Variants in ITGA8 observed in about 807,000 individuals in gnomAD.
ITGA8 encodes the protein integrin subunit alpha 8.
In ITGA8, 91 loss-of-function variants were observed where a neutral mutation model predicts 142.3. That is an observed-to-expected ratio of 0.64 (90% CI 0.54 to 0.76). The LOEUF is 0.76. Among genes scored for constraint, ITGA8 ranks in the 30% least tolerant of loss-of-function variants. The pLI is 0.00. For missense variants in ITGA8, 1,406 were observed against 1,327.7 expected (o/e 1.06, Z -0.92); for synonymous variants, 505 against 485.2 (o/e 1.04, Z -0.54).
At chr10:15,619,125 G>A (rs1262762624) in intron 13 of ITGA8, among the ~76,000 whole-genome samples, 3 of 152,128 alleles carry the variant, frequency 2.0e-5, no homozygotes, top group Non-Finnish European at 2.9e-5. Flanking sequence ...TGCCCGTAGT[G>A]GCAACTGGCT....
intron 2 of ITGA8, among the ~76,000 whole-genome samples, chr10:15,718,046 T>G (rs1202045522): frequency 6.6e-6 from 1 of 152,274 alleles, no homozygotes; most frequent in Admixed American, 6.5e-5. Context: ...AAAGTTTTGG[T>G]GGTAAAAATT....
chr10:15,520,501 A>G (rs1277924131), intron 28 of ITGA8, among the ~76,000 whole-genome samples: 1 of 152,186 alleles, frequency 6.6e-6, no homozygotes, highest in Non-Finnish European at 1.5e-5. Flanking sequence ...AAGGGGGCTT[A>G]GAGGAAAATG....
At position 15,519,419 on chromosome 10, in the gene ITGA8, T is replaced by C. The variant is rs772100644; in HGVS notation, c.2983-7A>G. 3.7e-6 allele frequency: 6 copies of C among 1,613,182 alleles called. No homozygotes were observed. The highest frequency in any genetic ancestry group is 3.3e-5 in the Admixed American group (2 of 59,910). ...AAATAACTGATGTCTTAATCTGAAA[T>C]GGAAAACAAAGCAAATGAGCTCTAA... On this transcript the variant is annotated splice_polypyrimidine_tract_variant and splice_region_variant and intron_variant, in intron 28 of 29. Transcript: ENST00000378076.
chr10:15,546,675 AGAAAGGAAG>A (rs200186820), intron 27 of ITGA8, among the ~76,000 whole-genome samples: 8,227 of 151,784 alleles, frequency 0.054, 728 homozygotes, highest in African/African-American at 0.19. Context: ...CTGCCTTAGG[AGAAAGGAAG>A]GAAAGGAAGG....
intron 26 of ITGA8, among the ~76,000 whole-genome samples, chr10:15,556,002 C>T (rs1833880671): frequency 7.2e-6 from 1 of 138,354 alleles, no homozygotes; most frequent in Non-Finnish European, 1.5e-5. Context: ...GGTCTTCTGC[C>T]AGGGTCTCTC....
Position 15,589,392 on chromosome 10 carries a change from G to A in ITGA8, c.2292-2728C>T, listed in dbSNP as rs1168962900. ...TGGCAATTGCAATCTGAGACCCGTT[G>A]TACACAGGGAGGAAAATGTTTATGT... On this transcript the variant is annotated intron_variant, in intron 22 of 29. Transcript: ENST00000378076. Among the ~76,000 whole-genome samples the A allele has an allele frequency of 3.9e-5, 6 of 152,154 alleles. No homozygotes were observed. The East Asian group carries it at 1.2e-3, about 29-fold the overall frequency.
intron 23 of ITGA8, among the ~76,000 whole-genome samples, chr10:15,576,022 T>C (rs912691049): frequency 9.2e-5 from 14 of 152,004 alleles, no homozygotes; most frequent in African/African-American, 2.9e-4. Flanking sequence ...TATCAAGAAA[T>C]GGGATTCTTT....
intron 28 of ITGA8, among the ~76,000 whole-genome samples, chr10:15,519,777 A>C (rs1588621174): frequency 6.6e-6 from 1 of 152,172 alleles, no homozygotes; most frequent in Non-Finnish European, 1.5e-5. Flanking sequence ...AAACTGAATG[A>C]ATCTGTCTAC....
intron 2 of ITGA8, among the ~76,000 whole-genome samples, chr10:15,716,260 T>C (rs1035538690): frequency 1.2e-4 from 19 of 152,356 alleles, no homozygotes; most frequent in African/African-American, 4.3e-4. Context: ...ATTATTATGA[T>C]TGTAGTTGAT....
intron 27 of ITGA8, among the ~76,000 whole-genome samples, chr10:15,537,530 T>A (rs781218682): frequency 4.6e-5 from 7 of 152,116 alleles, no homozygotes; most frequent in African/African-American, 7.3e-5. Context: ...TACTATTGAC[T>A]TTTTGCAGAC....
At chr10:15,536,354 G>A (rs947714508) in intron 27 of ITGA8, among the ~76,000 whole-genome samples, 1 of 152,156 alleles carries the variant, frequency 6.6e-6, no homozygotes, top group African/African-American at 2.4e-5. Context: ...AATGGAAAAC[G>A]TGGTTTATTA....
chr10:15,693,931 G>C (rs114781487), intron 2 of ITGA8, among the ~76,000 whole-genome samples: 1 of 151,784 alleles, frequency 6.6e-6, no homozygotes, highest in South Asian at 2.1e-4. Flanking sequence ...GACAGCGTAA[G>C]TCTGTGTTTT....
At chr10:15,521,776 G>A (rs1256557777) in intron 28 of ITGA8, among the ~76,000 whole-genome samples, 2 of 152,232 alleles carry the variant, frequency 1.3e-5, no homozygotes, top group African/African-American at 4.8e-5. Context: ...ATACGTCGAA[G>A]AAATCAATTT....
In ITGA8 at chr10:15,556,018, C is replaced by CTTTTTTT. The variant is rs869241754; in HGVS notation, c.2766+2049_2766+2055dup. On this transcript the variant is annotated intron_variant, in intron 26 of 29. Coordinates refer to ENST00000378076, the MANE Select transcript of ITGA8 (RefSeq NM_003638.3). Reference sequence around the variant, plus strand: ...GTCTTCTGCCAGGGTCTCTCTCTCTCTTTTTTTTTTTTTTTTTTTTTTTTT... The same window carrying CTTTTTTT: ...GTCTTCTGCCAGGGTCTCTCTCTCTCTTTTTTTTTTTTTTTTTTTTTTTTTTTTTTTT... 1.9e-4 allele frequency among the ~76,000 whole-genome samples: 10 copies of CTTTTTTT among 53,630 alleles called. 2 individuals are homozygous for CTTTTTTT. Among genetic ancestry groups the CTTTTTTT allele is most frequent in the African/African-American group, 4.3e-4 (5 of 11,624 alleles). 35.2% of individuals were successfully genotyped at this position (53,630 alleles called of 152,430 possible). A position where few individuals can be genotyped will look rare whatever the true frequency, so the allele number is the denominator to read the frequency against.
intron 14 of ITGA8, among the ~76,000 whole-genome samples, chr10:15,615,905 A>C (rs952787437): frequency 9.9e-5 from 15 of 152,192 alleles, no homozygotes; most frequent in African/African-American, 3.6e-4. Flanking sequence ...TTCTCACTGA[A>C]TGCTTTGAAC....
intron 6 of ITGA8, among the ~76,000 whole-genome samples, chr10:15,676,348 T>G (rs1419956923): frequency 6.6e-6 from 1 of 152,176 alleles, no homozygotes; most frequent in Admixed American, 6.5e-5. Flanking sequence ...TGTCTGTACC[T>G]GGGTTCATGG....
chr10:15,529,162 G>A (rs1174399056), intron 28 of ITGA8, among the ~76,000 whole-genome samples: 1 of 151,968 alleles, frequency 6.6e-6, no homozygotes, highest in Non-Finnish European at 1.5e-5. Context: ...ATAGCTCACT[G>A]TAACCTTGAA....
intron 3 of ITGA8, 115 bp downstream of exon 3, chr10:15,687,823 C>T: frequency 9.4e-6 from 6 of 641,466 alleles, no homozygotes; most frequent in Admixed American, 2.3e-5. Flanking sequence ...ACAGCCTTAT[C>T]GTTGAAAGTC....
intron 13 of ITGA8, among the ~76,000 whole-genome samples, chr10:15,621,599 T>G (rs1288555253): frequency 6.6e-6 from 1 of 152,110 alleles, no homozygotes; most frequent in African/African-American, 2.4e-5. Flanking sequence ...TGAGTGTGGA[T>G]CTGAGGTTTG....
Sources: allele counts gnomAD v4.1 joint callset (sites outside exome capture counted in the v4.1 genomes callset), GRCh38; gene constraint gnomAD v4.1.1; transcripts MANE v1.5; gene names NCBI Gene and HGNC (gene_info 2026-07-23, HGNC 2026-07-21).